Variants in ISM1 observed in about 807,000 individuals in gnomAD.
ISM1 encodes the protein isthmin-1.
Under a neutral mutation model 46.3 loss-of-function variants are expected in ISM1, and 25 were observed. The observed-to-expected ratio is 0.54, with a 90% CI of 0.39 to 0.75. The LOEUF is 0.75. Among genes scored for constraint, ISM1 ranks in the 30% least tolerant of loss-of-function variants. ISM1 has a pLI of 0.00. For synonymous variants in ISM1, 255 were observed against 256.7 expected (o/e 0.99, Z 0.06); for missense variants, 536 against 625.4 (o/e 0.86, Z 1.52).
At chr20:13,261,713 G>A (rs1486685384) in intron 1 of ISM1, among the ~76,000 whole-genome samples, 2 of 152,186 alleles carry the variant, frequency 1.3e-5, no homozygotes, top group Non-Finnish European at 1.5e-5. Flanking sequence ...GAAGTACTTG[G>A]AGCAGAGAGA....
chr20:13,236,267 G>C (rs969397579), intron 1 of ISM1, among the ~76,000 whole-genome samples: 1 of 152,034 alleles, frequency 6.6e-6, no homozygotes, highest in East Asian at 1.9e-4. Flanking sequence ...ACAATTCTTA[G>C]GAGTAATACA....
At chr20:13,293,988 AG>A (rs1203182695) in intron 5 of ISM1, among the ~76,000 whole-genome samples, 1 of 152,070 alleles carries the variant, frequency 6.6e-6, no homozygotes, top group Non-Finnish European at 1.5e-5. Flanking sequence ...AAAAAAAGAA[AG>A]AAAAAGAAAA....
At chr20:13,293,362 C>T (rs1398732187) in intron 5 of ISM1, among the ~76,000 whole-genome samples, 2 of 152,130 alleles carry the variant, frequency 1.3e-5, no homozygotes, top group Non-Finnish European at 2.9e-5. Flanking sequence ...TTTGAAATAG[C>T]TTTATGTGCT....
chr20:13,262,281 C>T (rs1378472080), intron 1 of ISM1, among the ~76,000 whole-genome samples: 1 of 152,136 alleles, frequency 6.6e-6, no homozygotes, highest in African/African-American at 2.4e-5. Context: ...CCTTTATAGC[C>T]CTGAGCTGGT....
At chr20:13,318,199 G>A in the ISM1 span, among the ~76,000 whole-genome samples, 1 of 148,884 alleles carries the variant, frequency 6.7e-6, no homozygotes, top group Non-Finnish European at 1.5e-5. Context: ...CTTCACCAAA[G>A]AAGATATACA....
At chr20:13,298,612 G>A (rs909982444) in intron 5 of ISM1, among the ~76,000 whole-genome samples, 4 of 152,194 alleles carry the variant, frequency 2.6e-5, no homozygotes, top group African/African-American at 9.7e-5. Context: ...TCCAGGTGAT[G>A]AAATATGGGT....
intron 1 of ISM1, chr20:13,238,973 A>T (rs1290799421): frequency 1.3e-5 from 2 of 152,388 alleles, no homozygotes; most frequent in East Asian, 3.9e-4. Context: ...TACATTCAGG[A>T]AGACACGAAC....
intron 2 of ISM1, among the ~76,000 whole-genome samples, chr20:13,271,466 C>T (rs1015789835): frequency 5.9e-5 from 9 of 152,160 alleles, no homozygotes; most frequent in Non-Finnish European, 8.8e-5. Context: ...AAATGTTGAT[C>T]GGATTTGACC....
chr20:13,225,629 T>C (rs976495030), intron 1 of ISM1, among the ~76,000 whole-genome samples: 9 of 152,190 alleles, frequency 5.9e-5, no homozygotes, highest in South Asian at 4.1e-4. Flanking sequence ...GAGTACACTC[T>C]CCATATTGGG....
chr20:13,306,123 G>A, the ISM1 span, among the ~76,000 whole-genome samples: 1 of 152,092 alleles, frequency 6.6e-6, no homozygotes, highest in Non-Finnish European at 1.5e-5. Context: ...TCATTCTTGA[G>A]GCATGTAATT....
At chr20:13,263,255 G>C (rs941490917) in intron 1 of ISM1, among the ~76,000 whole-genome samples, 2 of 152,142 alleles carry the variant, frequency 1.3e-5, no homozygotes, top group African/African-American at 4.8e-5. Flanking sequence ...CTTGTCATCT[G>C]TGTCTTCACA....
At chr20:13,287,259 G>A (rs1185200679) in intron 3 of ISM1, among the ~76,000 whole-genome samples, 1 of 152,142 alleles carries the variant, frequency 6.6e-6, no homozygotes, top group Non-Finnish European at 1.5e-5. Flanking sequence ...AAGAGCAAAG[G>A]GACATCTTAC....
chr20:13,303,688 T>C (rs1025157921), downstream of ISM1, among the ~76,000 whole-genome samples: 4 of 152,214 alleles, frequency 2.6e-5, no homozygotes, highest in African/African-American at 9.6e-5. Context: ...GACAAGTTAA[T>C]ACATTGGCAT....
chr20:13,257,524 T>G (rs1422386173), intron 1 of ISM1, among the ~76,000 whole-genome samples: 1 of 152,176 alleles, frequency 6.6e-6, no homozygotes, highest in Non-Finnish European at 1.5e-5. Flanking sequence ...GCTCTCATGT[T>G]TACATAGTGT....
At chr20:13,326,493 TACTC>T in the ISM1 span, among the ~76,000 whole-genome samples, 2 of 151,982 alleles carry the variant, frequency 1.3e-5, no homozygotes, top group Non-Finnish European at 2.9e-5. Context: ...TACATACACA[TACTC>T]AGTTGCTACA....
At chr20:13,264,317 AT>A (rs1056258644) in intron 1 of ISM1, among the ~76,000 whole-genome samples, 20 of 152,274 alleles carry the variant, frequency 1.3e-4, no homozygotes, top group African/African-American at 4.3e-4. Context: ...TTTGTTACTG[AT>A]TTGTGCCTCT....
intron 3 of ISM1, among the ~76,000 whole-genome samples, chr20:13,283,495 T>G (rs751185952): frequency 5.9e-5 from 9 of 152,172 alleles, no homozygotes; most frequent in Non-Finnish European, 1.3e-4. Flanking sequence ...CTAGGTGAAA[T>G]ACATGTAGGA....
intron 1 of ISM1, among the ~76,000 whole-genome samples, chr20:13,261,447 G>T (rs2039988805): frequency 1.3e-5 from 2 of 150,808 alleles, no homozygotes; most frequent in South Asian, 4.2e-4. Context: ...AAAGAAAAAA[G>T]AAGCTCAAAG....
downstream of ISM1, among the ~76,000 whole-genome samples, chr20:13,305,438 G>C (rs556452185): frequency 6.6e-6 from 1 of 152,306 alleles, no homozygotes; most frequent in Admixed American, 6.5e-5. Flanking sequence ...CACACAAAGA[G>C]TTATGAATAA....
Sources: gnomAD v4.1 joint callset for allele counts (sites outside exome capture counted in the v4.1 genomes callset) on GRCh38, gnomAD v4.1.1 for gene constraint, MANE v1.5 for transcripts, NCBI Gene and HGNC (gene_info 2026-07-23, HGNC 2026-07-21) for gene names.